Variants in ACTN4 observed in about 807,000 individuals in gnomAD.
ACTN4 encodes actinin alpha 4, also known as alpha-actinin-4.
Under a neutral mutation model 114.2 loss-of-function variants are expected in ACTN4, and 18 were observed. That is an observed-to-expected ratio of 0.16 (90% CI 0.11 to 0.23). The LOEUF (loss-of-function observed/expected upper bound fraction) is 0.23, where lower values mean the gene tolerates loss of function less well. Ranked by LOEUF, ACTN4 falls within the 10% of genes least tolerant of loss-of-function variation. The pLI, the probability that ACTN4 is intolerant of heterozygous loss-of-function variation, is 1.00. For missense variants in ACTN4, 722 were observed against 1,262.9 expected (o/e 0.57, Z 6.49); for synonymous variants, 515 against 506.3 (o/e 1.02, Z -0.23).
At chr19:38,680,594 T>A (rs1457594638) in intron 1 of ACTN4, among the ~76,000 whole-genome samples, 1 of 152,140 alleles carries the variant, frequency 6.6e-6, no homozygotes, top group Non-Finnish European at 1.5e-5. Flanking sequence ...CAGTACGTAC[T>A]TCAGTCTCAG....
At chr19:38,669,132 G>C (rs1326525891) in intron 1 of ACTN4, among the ~76,000 whole-genome samples, 2 of 152,072 alleles carry the variant, frequency 1.3e-5, no homozygotes, top group African/African-American at 4.8e-5. Context: ...GATTACAGAC[G>C]CCTGCCACCG....
At chr19:38,670,704 C>T (rs541178765) in intron 1 of ACTN4, among the ~76,000 whole-genome samples, 59 of 152,184 alleles carry the variant, frequency 3.9e-4, no homozygotes, top group African/African-American at 1.4e-3. Flanking sequence ...GAGGGTGGAT[C>T]ACGAGGTCAG....
chr19:38,728,797 T>G (rs907085495), intron 19 of ACTN4, among the ~76,000 whole-genome samples, 199 bp from the exon 20 acceptor site: 10 of 152,036 alleles, frequency 6.6e-5, no homozygotes, highest in Non-Finnish European at 1.5e-4. Flanking sequence ...ACTGGGGGCT[T>G]GGAGGCCTGG....
Position 38,701,145 on chromosome 19 carries a change from G to A in ACTN4, c.397+24G>A, listed in dbSNP as rs532609280. ...AGGTGAGCTGGAGGTGGGGCAGCGAGGGTCCTGCTCGGTTTCTGACCTTTA... is the reference window on the plus strand; with the variant it reads ...AGGTGAGCTGGAGGTGGGGCAGCGAAGGTCCTGCTCGGTTTCTGACCTTTA... On this transcript the variant is annotated intron_variant, in intron 3 of 20. Transcript: ENST00000252699. The A allele has an allele frequency of 5.8e-5, 93 of 1,613,482 alleles. No individual in the cohort carries two copies. In the South Asian group the frequency reaches 9.9e-4, roughly 17 times the overall value.
chr19:38,673,735 A>T (rs1192606115), intron 1 of ACTN4, among the ~76,000 whole-genome samples: 1 of 104,000 alleles, frequency 9.6e-6, no homozygotes, highest in Admixed American at 1.3e-4. Flanking sequence ...ACTTATATAT[A>T]TTTATATATT....
At chr19:38,710,164 AGGCCGT>A in intron 7 of ACTN4, 87 bp from the exon 8 acceptor site, 1 of 1,354,490 alleles carries the variant, frequency 7.4e-7, no homozygotes, top group Non-Finnish European at 1.1e-6. Context: ...CTCTCCCCCA[AGGCCGT>A]GGCCTTGGGA....
intron 9 of ACTN4, 113 bp downstream of exon 9, chr19:38,714,674 G>A: frequency 9.0e-7 from 1 of 1,112,232 alleles, no homozygotes; most frequent in Non-Finnish European, 1.3e-6. Context: ...AGAAAAGGCT[G>A]CGTGGTCACA....
intron 8 of ACTN4, among the ~76,000 whole-genome samples, chr19:38,713,825 CCT>C (rs751796479): frequency 3.9e-5 from 6 of 152,046 alleles, no homozygotes; most frequent in Non-Finnish European, 7.4e-5. Context: ...CCCCCTGCCT[CCT>C]CTACACTGTT....
Position 38,729,426 on chromosome 19 carries a change from C to G in ACTN4, c.2730C>G (p.Asp910Glu). 1.2e-6 allele frequency: 2 copies of G among 1,612,806 alleles called. No homozygotes were observed. Among genetic ancestry groups the G allele is most frequent in the South Asian group, 2.2e-5 (2 of 91,072 alleles). The change falls in exon 21 of 21, where the codon GAC becomes GAG. Residue 910 changes from aspartate (D) to glutamate (E), a missense_variant. By Grantham distance (45) the Asp-to-Glu change is conservative. This residue lies in a region of ACTN4 where 523 missense variants were observed against 875.9 expected (regional missense o/e 0.60). Transcript: ENST00000252699. ...CCACGGCCTTGTATGGCGAGAGCGACCTGTGAGGCCCCAGAGACCTGACCC... is the reference window on the plus strand; with the variant it reads ...CCACGGCCTTGTATGGCGAGAGCGAGCTGTGAGGCCCCAGAGACCTGACCC... ...SFSTALYGES[D>E]L
At chr19:38,676,976 G>C (rs1568694076) in intron 1 of ACTN4, among the ~76,000 whole-genome samples, 4 of 152,156 alleles carry the variant, frequency 2.6e-5, no homozygotes. Flanking sequence ...AGGCCCTGCA[G>C]GATCTGTTTT....
intron 1 of ACTN4, among the ~76,000 whole-genome samples, chr19:38,651,699 G>A (rs1009011043): frequency 1.3e-5 from 2 of 151,878 alleles, no homozygotes; most frequent in African/African-American, 4.8e-5. Flanking sequence ...CTATTTGAAA[G>A]TTTTTGTTTG....
At chr19:38,667,362 C>T (rs1163266247) in intron 1 of ACTN4, among the ~76,000 whole-genome samples, 1 of 151,950 alleles carries the variant, frequency 6.6e-6, no homozygotes, top group Non-Finnish European at 1.5e-5. Flanking sequence ...GTGTGTTTAG[C>T]AGTCTCTAAA....
chr19:38,694,302 C>T (rs1366944285), intron 1 of ACTN4, among the ~76,000 whole-genome samples: 2 of 151,850 alleles, frequency 1.3e-5, no homozygotes, highest in Non-Finnish European at 1.5e-5. Context: ...CTCTGTCTCC[C>T]AGGCTGGAGT....
rs561163442 is a variant in ACTN4, at chr19:38,687,811, A to G, written c.163-12789A>G. On this transcript the variant is annotated intron_variant, in intron 1 of 20. Coordinates refer to ENST00000252699, the MANE Select transcript of ACTN4 (RefSeq NM_004924.6). ...TCAAAACTGGAAACTTTTTGCTTCA[A>G]AGGACACTATTAAAGTAAAAGGACA... Among the ~76,000 whole-genome samples, 19 of 152,356 alleles carry G rather than the reference A, an allele frequency of 1.2e-4. No individual in the cohort carries two copies. In the South Asian group the frequency reaches 3.9e-3, roughly 32 times the overall value.
chr19:38,694,065 A>T (rs1968014492), intron 1 of ACTN4, among the ~76,000 whole-genome samples: 1 of 152,156 alleles, frequency 6.6e-6, no homozygotes, highest in Non-Finnish European at 1.5e-5. Context: ...TCAAAGACAG[A>T]TGAGTCCACA....
At chr19:38,656,041 G>C (rs1431928545) in intron 1 of ACTN4, among the ~76,000 whole-genome samples, 2 of 152,196 alleles carry the variant, frequency 1.3e-5, no homozygotes, top group Non-Finnish European at 2.9e-5. Context: ...CATGGATACA[G>C]AGGGCTAGCT....
At chr19:38,671,206 C>T (rs956981904) in intron 1 of ACTN4, among the ~76,000 whole-genome samples, 1 of 152,204 alleles carries the variant, frequency 6.6e-6, no homozygotes, top group Admixed American at 6.5e-5. Context: ...ACTCCTCCCC[C>T]TTTCCCATCA....
chr19:38,666,872 A>T (rs1291706866), intron 1 of ACTN4, among the ~76,000 whole-genome samples: 1 of 152,056 alleles, frequency 6.6e-6, no homozygotes, highest in Non-Finnish European at 1.5e-5. Context: ...GGAGGTAGGG[A>T]CTGACTGGGC....
rs1163061532 is a variant in ACTN4, at chr19:38,648,800, A to T, written c.162+893A>T. Among the ~76,000 whole-genome samples the T allele has an allele frequency of 2.6e-5, 4 of 151,978 alleles. No individual in the cohort carries two copies. The East Asian group carries it at 7.7e-4, about 29-fold the overall frequency. ...GAGAGTGGGGATAATTTGGGGAGGG[A>T]TTTCTAAAGAATTGATGGGAAGCTG... On this transcript the variant is annotated intron_variant, in intron 1 of 20. Coordinates refer to ENST00000252699, the MANE Select transcript of ACTN4 (RefSeq NM_004924.6).
Sources: gnomAD v4.1 joint callset for allele counts (sites outside exome capture counted in the v4.1 genomes callset) on GRCh38, gnomAD v4.1.1 for gene constraint, gnomAD v4.1.1 regional missense constraint, MANE v1.5 for transcripts, NCBI Gene and HGNC (gene_info 2026-07-23, HGNC 2026-07-21) for gene names.